The following PRKCH variants were observed in gnomAD, a reference collection of about 807,000 sequenced individuals.
PRKCH encodes protein kinase C eta type.
PRKCH carries 28 observed loss-of-function variants against 82.5 expected under a neutral mutation model. The ratio of observed to expected loss-of-function variants is 0.34; its 90% CI spans 0.25 to 0.47. The LOEUF (loss-of-function observed/expected upper bound fraction) is 0.47. PRKCH is among the 20% of genes least tolerant of loss of function. The probability of loss-of-function intolerance (pLI) is 1.00; values close to 1 mark genes in which losing one functional copy is unlikely to be tolerated. For synonymous variants in PRKCH, 322 were observed against 327.4 expected (o/e 0.98, Z 0.18); for missense variants, 705 against 881.8 (o/e 0.80, Z 2.54).
At chr14:61,513,161 C>T (rs2042772019) in intron 10 of PRKCH, among the ~76,000 whole-genome samples, 1 of 152,148 alleles carries the variant, frequency 6.6e-6, no homozygotes, top group Admixed American at 6.5e-5. Flanking sequence ...AGTTCCTTAG[C>T]ATCCACCACG....
At chr14:61,414,872 G>T (rs1172738903) in intron 2 of PRKCH, among the ~76,000 whole-genome samples, 1 of 152,120 alleles carries the variant, frequency 6.6e-6, no homozygotes, top group African/African-American at 2.4e-5. Context: ...TTCCCCCTCT[G>T]CCAAGCACCA....
intron 1 of PRKCH, among the ~76,000 whole-genome samples, chr14:61,188,470 C>A (rs920679057): frequency 7.4e-6 from 1 of 135,460 alleles, no homozygotes; most frequent in African/African-American, 2.8e-5. Flanking sequence ...GCGGCTCGGG[C>A]AGGCGGCCTT....
chr14:61,222,986 T>A (rs1186845407), intron 1 of PRKCH, among the ~76,000 whole-genome samples: 1 of 152,144 alleles, frequency 6.6e-6, no homozygotes, highest in Non-Finnish European at 1.5e-5. Context: ...TTTTTTCCCC[T>A]CTTCCTTTGA....
At chr14:61,380,244 A>G (rs1393063935) in intron 1 of PRKCH, among the ~76,000 whole-genome samples, 1 of 151,820 alleles carries the variant, frequency 6.6e-6, no homozygotes, top group Admixed American at 6.6e-5. Flanking sequence ...TTTTATAGAG[A>G]TGAGATCTCC....
chr14:61,541,305 C>A (rs568816849), intron 12 of PRKCH, among the ~76,000 whole-genome samples: 15 of 152,394 alleles, frequency 9.8e-5, no homozygotes, highest in African/African-American at 3.1e-4. Flanking sequence ...TTCTCGTCAG[C>A]CCCAGGTGGC....
At position 61,280,572 on chromosome 14, in the gene PRKCH, G is replaced by A; in HGVS notation, c.-19+92904G>A. On this transcript the variant is annotated intron_variant, in intron 1 of 3. Transcript: ENST00000555185. The surrounding 1 kb of genome is among the most constrained non-coding windows in gnomAD (Gnocchi z 5.0). Reference sequence around the variant, plus strand: ...CGGTCCACCAGGCGATGCCGGAGCGGTCGAGCGGCACCTCGACGTAGGGCC... The same window carrying A: ...CGGTCCACCAGGCGATGCCGGAGCGATCGAGCGGCACCTCGACGTAGGGCC... 6.2e-7 allele frequency: 1 copy of A among 1,604,888 alleles called. No homozygotes were observed. The highest frequency in any genetic ancestry group is 8.5e-7 in the Non-Finnish European group (1 of 1,176,092).
chr14:61,377,102 G>C (rs746747765), intron 1 of PRKCH, among the ~76,000 whole-genome samples: 6 of 152,154 alleles, frequency 3.9e-5, no homozygotes, highest in Non-Finnish European at 7.3e-5. Context: ...GTCATCTACT[G>C]TCATCTCCCC....
intron 9 of PRKCH, among the ~76,000 whole-genome samples, chr14:61,459,544 G>T (rs1483560669): frequency 6.6e-6 from 1 of 152,206 alleles, no homozygotes; most frequent in East Asian, 1.9e-4. Context: ...CTGTGTTAAG[G>T]GGTTTGGGTT....
At chr14:61,440,995 A>G (rs1394830140) in intron 2 of PRKCH, among the ~76,000 whole-genome samples, 2 of 148,864 alleles carry the variant, frequency 1.3e-5, no homozygotes, top group Admixed American at 1.4e-4. Context: ...ATGGCTCATT[A>G]TAGCCTCAAC....
chr14:61,303,011 A>ATTT, intron 1 of PRKCH: 1 of 77,868 alleles, frequency 1.3e-5, no homozygotes, highest in East Asian at 5.2e-4. Context: ...TTGTTCCTTC[A>ATTT]ATTTTTTTTT....
intron 1 of PRKCH, among the ~76,000 whole-genome samples, chr14:61,276,740 A>G (rs2045206131): frequency 6.6e-6 from 1 of 152,066 alleles, no homozygotes; most frequent in Admixed American, 6.5e-5. Context: ...TCTACCAGCA[A>G]CTTAGAGAGT....
intron 2 of PRKCH, among the ~76,000 whole-genome samples, chr14:61,415,225 A>C (rs1256669406): frequency 6.6e-6 from 1 of 152,224 alleles, no homozygotes; most frequent in African/African-American, 2.4e-5. Flanking sequence ...AGCAATTTGA[A>C]GTGTGTGTTC....
At chr14:61,243,383 C>CAA (rs10555022) in intron 1 of PRKCH, among the ~76,000 whole-genome samples, 2 of 103,388 alleles carry the variant, frequency 1.9e-5, no homozygotes, top group Non-Finnish European at 4.0e-5. Context: ...GACTCTGTCT[C>CAA]AAAAAAAAAA....
intron 1 of PRKCH, among the ~76,000 whole-genome samples, chr14:61,227,459 T>A (rs898187281): frequency 3.9e-5 from 6 of 152,118 alleles, no homozygotes; most frequent in African/African-American, 1.4e-4. Context: ...CCAGGCGTGG[T>A]GGCGAGCGCC....
At chr14:61,282,002 G>A (rs902976010) in intron 1 of PRKCH, among the ~76,000 whole-genome samples, 2 of 142,322 alleles carry the variant, frequency 1.4e-5, no homozygotes, top group African/African-American at 5.2e-5. Flanking sequence ...AAGAATCAAA[G>A]GCTGGAGAGG....
In PRKCH at chr14:61,451,009, G is replaced by A. The variant is rs374734763; in HGVS notation, c.832+38G>A. On this transcript the variant is annotated intron_variant, in intron 6 of 13. Transcript: ENST00000332981. ...GGTGCTGGGTACCCACCTCTTCATGGGAACACTATGCCCTAAGCTTTCAGA... is the reference window on the plus strand; with the variant it reads ...GGTGCTGGGTACCCACCTCTTCATGAGAACACTATGCCCTAAGCTTTCAGA... 2.4e-4 allele frequency: 386 copies of A among 1,607,236 alleles called. No homozygotes were observed. The Middle Eastern group carries it at 2.5e-3, about 10-fold the overall frequency.
At chr14:61,201,184 C>T (rs1378475356) in intron 1 of PRKCH, among the ~76,000 whole-genome samples, 1 of 152,116 alleles carries the variant, frequency 6.6e-6, no homozygotes, top group Non-Finnish European at 1.5e-5. Flanking sequence ...ATAATAATAA[C>T]AATAATGAAC....
In PRKCH at chr14:61,449,900, C is replaced by CTCTGTG. The variant is rs1351833573; in HGVS notation, c.702+649_702+650insCTGTGT. ...TCTCTCTCTCTCTCTCTCTCTCTCT[C>CTCTGTG]TGTGTGTGTGTGTGTGTGTGTGTAT... On this transcript the variant is annotated intron_variant, in intron 5 of 13. Coordinates refer to ENST00000332981, the MANE Select transcript of PRKCH (RefSeq NM_006255.5). Among the ~76,000 whole-genome samples, 296 of 36,968 alleles carry CTCTGTG rather than the reference C, an allele frequency of 8.0e-3. 1 individual carries two copies. The highest frequency in any genetic ancestry group is 0.012 in the African/African-American group (277 of 22,662). 24.3% of individuals were successfully genotyped at this position (36,968 alleles called of 152,430 possible).
intron 3 of PRKCH, among the ~76,000 whole-genome samples, chr14:61,444,139 A>C (rs996028090): frequency 6.6e-6 from 1 of 152,184 alleles, no homozygotes; most frequent in African/African-American, 2.4e-5. Context: ...AACAGTCAGA[A>C]CCTAGGGCTA....
Sources: allele counts gnomAD v4.1 joint callset (sites outside exome capture counted in the v4.1 genomes callset), GRCh38; gene constraint gnomAD v4.1.1; non-coding constraint Gnocchi (gnomAD v3.1); transcripts MANE v1.5; gene names NCBI Gene and HGNC (gene_info 2026-07-23, HGNC 2026-07-21).